The following AKR1E2 variants were observed in gnomAD, a reference collection of about 807,000 sequenced individuals.
The protein encoded by AKR1E2 is 1,5-anhydro-D-fructose reductase.
In AKR1E2, 43 loss-of-function variants were observed where a neutral mutation model predicts 41.9. That is an observed-to-expected ratio of 1.03 (90% confidence interval 0.80 to 1.32). The LOEUF is 1.32. AKR1E2 is among the 40% of genes most tolerant of loss of function. The probability of loss-of-function intolerance (pLI) is 0.00; values close to 1 mark genes in which losing one functional copy is unlikely to be tolerated. For missense variants in AKR1E2, 423 were observed against 396.5 expected, an observed-to-expected ratio of 1.07 and a Z score of -0.57; for synonymous variants, 121 against 138.9, an observed-to-expected ratio of 0.87 and a Z score of 0.91.
the AKR1E2 span, among the ~76,000 whole-genome samples, chr10:4,856,922 AC>A: frequency 6.6e-6 from 1 of 151,664 alleles, no homozygotes; most frequent in African/African-American, 2.4e-5. Flanking sequence ...TTGTTGTGCA[AC>A]CATCACCATC....
At chr10:4,858,717 C>T in the AKR1E2 span, among the ~76,000 whole-genome samples, 1 of 151,988 alleles carries the variant, frequency 6.6e-6, no homozygotes, top group East Asian at 1.9e-4. Flanking sequence ...AGTAGCAATT[C>T]GTCGGCACAA....
At chr10:4,836,741 G>T (rs1833458865) in intron 4 of AKR1E2, among the ~76,000 whole-genome samples, 1 of 152,238 alleles carries the variant, frequency 6.6e-6, no homozygotes, top group South Asian at 2.1e-4. Flanking sequence ...GGTCCTAAAA[G>T]ATTTGGGTTA....
intron 3 of AKR1E2, 132 bp from the exon 4 acceptor site, chr10:4,835,541 CTG>C (rs1833331066): frequency 8.8e-7 from 1 of 1,135,930 alleles, no homozygotes; most frequent in Non-Finnish European, 1.2e-6. Flanking sequence ...AAGGTGAAGA[CTG>C]GGCCTGGTCA....
the AKR1E2 span, among the ~76,000 whole-genome samples, chr10:4,856,629 G>C: frequency 3.3e-4 from 50 of 152,254 alleles, no homozygotes; most frequent in South Asian, 0.01. Context: ...TTTCTTTCAG[G>C]TGTGTTTGTA....
the AKR1E2 span, among the ~76,000 whole-genome samples, chr10:4,855,721 A>C: frequency 2.6e-5 from 4 of 152,356 alleles, no homozygotes; most frequent in Admixed American, 2.0e-4. Flanking sequence ...AAAAAGTGTA[A>C]TGCCTTTTAG....
chr10:4,833,598 T>C (rs1261330412), intron 3 of AKR1E2, 132 bp downstream of exon 3: 2 of 764,620 alleles, frequency 2.6e-6, no homozygotes, highest in East Asian at 5.0e-5. Flanking sequence ...TGCCACATGC[T>C]AGCTGCGGCA....
intron 5 of AKR1E2, among the ~76,000 whole-genome samples, chr10:4,838,418 C>A (rs958487712): frequency 6.6e-6 from 1 of 152,130 alleles, no homozygotes; most frequent in African/African-American, 2.4e-5. Context: ...GTGAATTAAC[C>A]ACAATTGAGT....
intron 8 of AKR1E2, among the ~76,000 whole-genome samples, chr10:4,846,679 G>A (rs1834361197): frequency 6.6e-6 from 1 of 151,852 alleles, no homozygotes; most frequent in South Asian, 2.1e-4. Flanking sequence ...CTGAATAGCT[G>A]GGACTAGAGG....
intron 5 of AKR1E2, among the ~76,000 whole-genome samples, chr10:4,837,843 G>C (rs1288566301): frequency 6.6e-6 from 1 of 152,194 alleles, no homozygotes; most frequent in Non-Finnish European, 1.5e-5. Flanking sequence ...AGGTCACCAG[G>C]TGTACTCAGA....
downstream of AKR1E2, among the ~76,000 whole-genome samples, chr10:4,849,430 T>A (rs923098831): frequency 1.3e-5 from 2 of 152,260 alleles, no homozygotes; most frequent in Non-Finnish European, 2.9e-5. Flanking sequence ...GGTGACACAG[T>A]CATCTGCATG....
At chr10:4,829,964 A>T (rs1564254128) in intron 1 of AKR1E2, among the ~76,000 whole-genome samples, 1 of 152,200 alleles carries the variant, frequency 6.6e-6, no homozygotes, top group Non-Finnish European at 1.5e-5. Flanking sequence ...CTAACTTAAG[A>T]TGGATACTTG....
At chr10:4,841,975 A>G in intron 7 of AKR1E2, 118 bp downstream of exon 7, 1 of 796,150 alleles carries the variant, frequency 1.3e-6, no homozygotes, top group Non-Finnish European at 1.9e-6. Context: ...TGAGTCCATG[A>G]CTCATTAGAA....
the AKR1E2 span, among the ~76,000 whole-genome samples, chr10:4,854,219 G>A: frequency 6.0e-5 from 9 of 150,872 alleles, no homozygotes; most frequent in South Asian, 1.5e-3. Context: ...TCAGCCTCCC[G>A]AGTATCTGGG....
intron 1 of AKR1E2, among the ~76,000 whole-genome samples, chr10:4,828,637 T>C (rs1832730100): frequency 6.6e-6 from 1 of 152,210 alleles, no homozygotes; most frequent in African/African-American, 2.4e-5. Context: ...ATTAAATCTG[T>C]AGACCAGCTT....
At chr10:4,864,961 T>A in the AKR1E2 span, among the ~76,000 whole-genome samples, 1 of 152,206 alleles carries the variant, frequency 6.6e-6, no homozygotes, top group Non-Finnish European at 1.5e-5. Flanking sequence ...TATTCCTACA[T>A]ATCTATGTAC....
chr10:4,861,962 T>C, the AKR1E2 span, among the ~76,000 whole-genome samples: 3 of 152,220 alleles, frequency 2.0e-5, no homozygotes, highest in South Asian at 2.1e-4. Flanking sequence ...ATTTTGGCTT[T>C]TGTTGCCATT....
rs368269250 is a variant in AKR1E2 at position 4,830,729 on chromosome 10, C to T, written c.94C>T (p.Arg32Trp). ...AVKEAIDAGYRHFDCAYFYHN... is the reference protein window; with the variant it reads ...AVKEAIDAGYWHFDCAYFYHN... Reference sequence around the variant, plus strand: ...GAAAGAGGCCATTGACGCAGGGTACCGGCACTTCGACTGTGCTTACTTTTA... The same window carrying T: ...GAAAGAGGCCATTGACGCAGGGTACTGGCACTTCGACTGTGCTTACTTTTA... The change falls in exon 2 of 10, where the codon CGG becomes TGG. Residue 32 changes from arginine to tryptophan, a missense_variant. By Grantham distance (101) the Arg-to-Trp change is moderately radical (BLOSUM62 -3). Transcript: ENST00000298375. 27 of 1,614,084 alleles carry T rather than the reference C, an allele frequency of 1.7e-5. No homozygotes were observed. The highest frequency in any genetic ancestry group is 8.9e-5 in the East Asian group (4 of 44,868).
chr10:4,871,406 T>C, the AKR1E2 span, among the ~76,000 whole-genome samples: 1 of 152,290 alleles, frequency 6.6e-6, no homozygotes, highest in Non-Finnish European at 1.5e-5. Context: ...TTTTGGGTGT[T>C]ATATATTAAG....
At chr10:4,855,755 G>C in the AKR1E2 span, among the ~76,000 whole-genome samples, 1 of 152,168 alleles carries the variant, frequency 6.6e-6, no homozygotes, top group Admixed American at 6.5e-5. Flanking sequence ...AGTAATCTTT[G>C]GGAAATAAAG....
Sources: gnomAD v4.1 joint callset for allele counts (sites outside exome capture counted in the v4.1 genomes callset) on GRCh38, gnomAD v4.1.1 for gene constraint, MANE v1.5 for transcripts, NCBI Gene and HGNC (gene_info 2026-07-23, HGNC 2026-07-21) for gene names.